ABLIM3: variants seen among roughly 807,000 people sequenced by gnomAD.
The protein encoded by ABLIM3 is actin-binding LIM protein 3.
Under a neutral mutation model 109.5 loss-of-function variants are expected in ABLIM3, and 61 were observed. The observed-to-expected ratio is 0.56, with a 90% confidence interval of 0.45 to 0.69. The LOEUF is 0.69. Among genes scored for constraint, ABLIM3 ranks in the 30% least tolerant of loss-of-function variants. The pLI, the probability that ABLIM3 is intolerant of heterozygous loss-of-function variation, is 0.00. For synonymous variants in ABLIM3, 300 were observed against 324.8 expected, an observed-to-expected ratio of 0.92 and a Z score of 0.82; for missense variants, 796 against 889.5, an observed-to-expected ratio of 0.89 and a Z score of 1.34.
chr5:149,240,916 C>G (rs1752758754), intron 14 of ABLIM3, 142 bp downstream of exon 14: 2 of 722,468 alleles, frequency 2.8e-6, no homozygotes, highest in Non-Finnish European at 4.7e-6. Flanking sequence ...TGCACCAACC[C>G]TGTCCTCCAA....
intron 2 of ABLIM3, among the ~76,000 whole-genome samples, chr5:149,154,111 A>C (rs1483458153): frequency 6.6e-6 from 1 of 152,240 alleles, no homozygotes; most frequent in Non-Finnish European, 1.5e-5. Context: ...ATCTATTTTA[A>C]GCACCTGAAG....
intron 21 of ABLIM3, among the ~76,000 whole-genome samples, chr5:149,251,922 A>T (rs1346685021): frequency 6.6e-6 from 1 of 152,216 alleles, no homozygotes; most frequent in African/African-American, 2.4e-5. Context: ...TTCAGATCTC[A>T]GATTCTTCTA....
chr5:149,251,430 G>T lies in ABLIM3; in HGVS notation c.1849+11G>T. The T allele has an allele frequency of 6.2e-7, 1 of 1,613,774 alleles. No individual in the cohort carries two copies. Among genetic ancestry groups the T allele is most frequent in the Non-Finnish European group, 8.5e-7 (1 of 1,179,906 alleles). ...ACTGGGGCATGCGAGGTGAGTGCAG[G>T]CCTGCAGGGGGTCTGCAGGGAGAGT... is the stretch of plus-strand genomic sequence containing the variant. On this transcript the variant is annotated intron_variant, in intron 21 of 23. Coordinates refer to ENST00000309868, the MANE Select transcript of ABLIM3 (RefSeq NM_014945.5).
intron 21 of ABLIM3, 100 bp from the exon 22 acceptor site, chr5:149,252,101 G>C: frequency 7.2e-7 from 1 of 1,391,932 alleles, no homozygotes; most frequent in South Asian, 1.3e-5. Flanking sequence ...GACAATAGAG[G>C]CCAGACCCCC....
intron 3 of ABLIM3, among the ~76,000 whole-genome samples, chr5:149,185,914 G>A (rs1006549599): frequency 3.5e-4 from 54 of 152,300 alleles, no homozygotes; most frequent in African/African-American, 1.3e-3. Context: ...CTTAAACCTT[G>A]GAGACCTTGA....
intron 18 of ABLIM3, among the ~76,000 whole-genome samples, chr5:149,248,697 A>AAG (rs1753638510): frequency 6.6e-6 from 1 of 150,666 alleles, no homozygotes; most frequent in South Asian, 2.1e-4. Context: ...CTCAAAAAAA[A>AAG]AAAAAAAAAA....
chr5:149,144,531 C>T (rs544073592), intron 2 of ABLIM3, among the ~76,000 whole-genome samples: 1 of 152,286 alleles, frequency 6.6e-6, no homozygotes, highest in African/African-American at 2.4e-5. Flanking sequence ...AATAGAAACT[C>T]TTGCTTAGTT....
intron 6 of ABLIM3, among the ~76,000 whole-genome samples, chr5:149,210,067 C>T (rs894052382): frequency 2.6e-5 from 4 of 152,234 alleles, no homozygotes; most frequent in Admixed American, 2.0e-4. Context: ...CCAACTATCT[C>T]TACCTCAGTC....
chr5:149,250,922 A>G (rs920785319), intron 20 of ABLIM3, among the ~76,000 whole-genome samples: 3 of 152,176 alleles, frequency 2.0e-5, no homozygotes, highest in African/African-American at 7.2e-5. Flanking sequence ...AGCTGATCCC[A>G]CAGCCCACCC....
chr5:149,205,531 C>A (rs2127506628), intron 5 of ABLIM3, among the ~76,000 whole-genome samples: 1 of 152,198 alleles, frequency 6.6e-6, no homozygotes, highest in South Asian at 2.1e-4. Flanking sequence ...TGAGCTTGGG[C>A]AAGTCATTTC....
At chr5:149,191,911 GC>G (rs1420260681) in intron 3 of ABLIM3, among the ~76,000 whole-genome samples, 7 of 152,170 alleles carry the variant, frequency 4.6e-5, no homozygotes, top group African/African-American at 1.7e-4. Context: ...AGGCTGGAGT[GC>G]AGTGGCACGA....
In ABLIM3 at chr5:149,198,437, G is replaced by A. The variant is rs778311975; in HGVS notation, c.335+35G>A. ...CGACCAGCAGGGCCTGGGACCCTCT[G>A]CATAAGCCCCCGGGGCAGGGGAAGA... is the stretch of plus-strand genomic sequence containing the variant. On this transcript the variant is annotated intron_variant, in intron 4 of 23. Transcript: ENST00000309868. The surrounding 1 kb of genome is among the most constrained non-coding windows in gnomAD (Gnocchi z 4.2). 15 of 1,564,694 alleles carry A rather than the reference G, an allele frequency of 9.6e-6. No homozygotes were observed. The East Asian group carries it at 3.4e-4, about 35-fold the overall frequency.
At chr5:149,249,350 A>G (rs1392831147) in intron 18 of ABLIM3, among the ~76,000 whole-genome samples, 1 of 152,228 alleles carries the variant, frequency 6.6e-6, no homozygotes, top group Non-Finnish European at 1.5e-5. Context: ...TAATCCTACA[A>G]AGGAGGCACT....
intron 2 of ABLIM3, among the ~76,000 whole-genome samples, chr5:149,163,247 A>G (rs1273428009): frequency 6.6e-6 from 1 of 152,178 alleles, no homozygotes; most frequent in South Asian, 2.1e-4. Flanking sequence ...ACCACTCCTT[A>G]CAACATGTTG....
chr5:149,217,143 A>G, intron 8 of ABLIM3, 97 bp downstream of exon 8: 2 of 1,202,870 alleles, frequency 1.7e-6, no homozygotes, highest in South Asian at 2.6e-5. Context: ...CTTCAGGTTC[A>G]GTGTTATCTT....
intron 2 of ABLIM3, among the ~76,000 whole-genome samples, chr5:149,170,328 G>A (rs917895644): frequency 1.3e-5 from 2 of 150,612 alleles, no homozygotes; most frequent in Non-Finnish European, 2.9e-5. Flanking sequence ...GGAGCAAGAT[G>A]GCAAAGGAGC....
chr5:149,225,978 GTGTGTATATATATATATATATATA>G (rs1761197335), intron 8 of ABLIM3, among the ~76,000 whole-genome samples: 2 of 25,088 alleles, frequency 8.0e-5, no homozygotes, highest in Non-Finnish European at 1.4e-4. Flanking sequence ...GTGTGTGTGT[GTGTGTATATATATATATATATATA>G]TATATATATA....
chr5:149,231,633 G>A (rs1761869408), intron 9 of ABLIM3, among the ~76,000 whole-genome samples: 1 of 152,128 alleles, frequency 6.6e-6, no homozygotes, highest in African/African-American at 2.4e-5. Flanking sequence ...TATGTTTTAA[G>A]CCCTGAATTT....
chr5:149,224,719 C>T (rs978363101), intron 8 of ABLIM3, among the ~76,000 whole-genome samples: 3 of 152,170 alleles, frequency 2.0e-5, no homozygotes, highest in African/African-American at 7.2e-5. Context: ...CAATACCCAA[C>T]ACTTATATAG....
Sources: allele counts gnomAD v4.1 joint callset (sites outside exome capture counted in the v4.1 genomes callset), GRCh38; gene constraint gnomAD v4.1.1; non-coding constraint Gnocchi (gnomAD v3.1); transcripts MANE v1.5; gene names NCBI Gene and HGNC (gene_info 2026-07-23, HGNC 2026-07-21).